NAALADL2: variants seen among roughly 807,000 people sequenced by gnomAD.
NAALADL2 encodes the protein N-acetylated alpha-linked acidic dipeptidase like 2.
Under a neutral mutation model 87.2 loss-of-function variants are expected in NAALADL2, and 76 were observed. The observed-to-expected ratio is 0.87, with a 90% CI of 0.72 to 1.05. The LOEUF (loss-of-function observed/expected upper bound fraction) is 1.05. Ranked by LOEUF, NAALADL2 falls within the 50% of genes least tolerant of loss-of-function variation. The probability of loss-of-function intolerance (pLI) is 0.00; values close to 1 mark genes in which losing one functional copy is unlikely to be tolerated. For synonymous variants in NAALADL2, 354 were observed against 331.0 expected (o/e 1.07, Z -0.75); for missense variants, 1,089 against 945.8 (o/e 1.15, Z -1.99).
At chr3:174,682,295 C>G (rs1560141099) in intron 2 of NAALADL2, among the ~76,000 whole-genome samples, 1 of 152,180 alleles carries the variant, frequency 6.6e-6, no homozygotes, top group Non-Finnish European at 1.5e-5. Flanking sequence ...GGCTTCTGGA[C>G]AGCATCTCTG....
At chr3:174,816,216 T>TC (rs999229068) in intron 3 of NAALADL2, among the ~76,000 whole-genome samples, 17 of 151,904 alleles carry the variant, frequency 1.1e-4, no homozygotes, top group African/African-American at 4.1e-4. Flanking sequence ...GTATCCTTTT[T>TC]CCCCCTTCTC....
At chr3:175,763,086 A>ATAAG (rs1748251677) in intron 13 of NAALADL2, among the ~76,000 whole-genome samples, 1 of 149,902 alleles carries the variant, frequency 6.7e-6, no homozygotes, top group Non-Finnish European at 1.5e-5. Flanking sequence ...TCTGACTCAA[A>ATAAG]TAAATAAATA....
chr3:175,475,553 T>G (rs942930211), intron 9 of NAALADL2, among the ~76,000 whole-genome samples: 4 of 152,172 alleles, frequency 2.6e-5, no homozygotes, highest in Non-Finnish European at 5.9e-5. Context: ...TAACAGGTTA[T>G]TTTGGGAAAA....
At chr3:174,592,634 T>A (rs1478901314) in intron 2 of NAALADL2, among the ~76,000 whole-genome samples, 1 of 152,154 alleles carries the variant, frequency 6.6e-6, no homozygotes, top group African/African-American at 2.4e-5. Context: ...AATTACAACA[T>A]ATGAAGAAAT....
intron 2 of NAALADL2, among the ~76,000 whole-genome samples, chr3:174,669,830 G>A (rs1726354963): frequency 6.6e-6 from 1 of 151,932 alleles, no homozygotes. Flanking sequence ...GCTTTCGATA[G>A]TATGAATATT....
intron 4 of NAALADL2, among the ~76,000 whole-genome samples, chr3:175,295,837 C>T (rs540381237): frequency 5.9e-5 from 9 of 152,076 alleles, no homozygotes; most frequent in African/African-American, 1.7e-4. Context: ...TATAATCTGA[C>T]TCTGACCTGT....
chr3:175,368,634 T>G (rs1766012573), intron 5 of NAALADL2, among the ~76,000 whole-genome samples: 1 of 151,890 alleles, frequency 6.6e-6, no homozygotes, highest in African/African-American at 2.4e-5. Context: ...AATACGTTCA[T>G]GTGCCATTTA....
intron 3 of NAALADL2, among the ~76,000 whole-genome samples, chr3:174,747,333 T>C (rs1223671794): frequency 1.3e-5 from 2 of 151,972 alleles, no homozygotes; most frequent in Non-Finnish European, 2.9e-5. Context: ...AGAAAAGCTC[T>C]ATATCAGTGT....
chr3:174,988,982 C>G (rs1746350825), intron 1 of NAALADL2, among the ~76,000 whole-genome samples: 1 of 152,142 alleles, frequency 6.6e-6, no homozygotes, highest in Non-Finnish European at 1.5e-5. Context: ...TAGTGAGAGC[C>G]TCAAGCTCTT....
intron 4 of NAALADL2, among the ~76,000 whole-genome samples, chr3:175,295,554 C>T (rs1280287982): frequency 6.6e-6 from 1 of 152,112 alleles, no homozygotes; most frequent in African/African-American, 2.4e-5. Flanking sequence ...TTTAATCCTT[C>T]CTTTCCTTTC....
intron 4 of NAALADL2, among the ~76,000 whole-genome samples, chr3:175,279,380 A>C (rs1753987448): frequency 6.6e-6 from 1 of 152,172 alleles, no homozygotes; most frequent in Non-Finnish European, 1.5e-5. Context: ...TCTGCCTGAA[A>C]GATAAACCAC....
intron 11 of NAALADL2, among the ~76,000 whole-genome samples, chr3:175,732,686 T>C (rs1242188722): frequency 6.6e-6 from 1 of 152,128 alleles, no homozygotes; most frequent in African/African-American, 2.4e-5. Flanking sequence ...AGGGAGACCT[T>C]GAGGCTCTTT....
intron 1 of NAALADL2, among the ~76,000 whole-genome samples, chr3:174,444,804 A>T (rs1338093997): frequency 6.6e-6 from 1 of 152,188 alleles, no homozygotes; most frequent in Non-Finnish European, 1.5e-5. Flanking sequence ...AAGAGATGTT[A>T]GTTAGGATTA....
At chr3:174,740,085 G>A (rs1376544619) in intron 3 of NAALADL2, among the ~76,000 whole-genome samples, 1 of 151,894 alleles carries the variant, frequency 6.6e-6, no homozygotes, top group East Asian at 1.9e-4. Flanking sequence ...TTTTCTTTAA[G>A]AAATACATTC....
chr3:174,870,517 A>G (rs1727692171), intron 1 of NAALADL2, among the ~76,000 whole-genome samples: 1 of 152,122 alleles, frequency 6.6e-6, no homozygotes. Flanking sequence ...ATATTTGAAG[A>G]CATTTGGATA....
intron 3 of NAALADL2, among the ~76,000 whole-genome samples, chr3:174,798,689 AT>A (rs980358314): frequency 6.6e-6 from 1 of 151,882 alleles, no homozygotes; most frequent in Non-Finnish European, 1.5e-5. Flanking sequence ...TGTTAAATGA[AT>A]TTTTTTAAAT....
chr3:175,502,228 GGTGTGTGT>G (rs3040528), intron 9 of NAALADL2, among the ~76,000 whole-genome samples: 2 of 147,290 alleles, frequency 1.4e-5, no homozygotes, highest in East Asian at 2.0e-4. Context: ...CATTATCCTG[GGTGTGTGT>G]GTGTGTGTGT....
chr3:175,198,875 G>A (rs905046708), intron 2 of NAALADL2, among the ~76,000 whole-genome samples: 2 of 151,426 alleles, frequency 1.3e-5, no homozygotes, highest in Non-Finnish European at 2.9e-5. Context: ...TTGCTAATTA[G>A]GTAGTATCCA....
In NAALADL2 at chr3:175,203,682, T is replaced by C. The variant is rs553296291; in HGVS notation, c.546-30249T>C. 1.8e-3 allele frequency among the ~76,000 whole-genome samples: 276 copies of C among 150,880 alleles called. 1 individual carries two copies. The highest frequency in any genetic ancestry group is 6.2e-3 in the African/African-American group (258 of 41,344). On this transcript the variant is annotated intron_variant, in intron 2 of 13. Transcript: ENST00000454872. ...CCATGATAATCTCTCATAAATAATA[T>C]TGATAGACCTTTAGCAAGATTAACC... is the stretch of plus-strand genomic sequence containing the variant.
Sources: gnomAD v4.1 joint callset for allele counts (sites outside exome capture counted in the v4.1 genomes callset) on GRCh38, gnomAD v4.1.1 for gene constraint, MANE v1.5 for transcripts, NCBI Gene and HGNC (gene_info 2026-07-23, HGNC 2026-07-21) for gene names.